CUBN: variants seen among roughly 807,000 people sequenced by gnomAD.
The protein encoded by CUBN is cubilin.
In CUBN, 282 loss-of-function variants were observed where a neutral mutation model predicts 405.3. The observed-to-expected ratio is 0.70, with a 90% CI of 0.63 to 0.77. CUBN has a LOEUF of 0.77. Among genes scored for constraint, CUBN ranks in the 30% least tolerant of loss-of-function variants. CUBN has a pLI of 0.00. For synonymous variants in CUBN, 1,684 were observed against 1,617.0 expected, an observed-to-expected ratio of 1.04 and a Z score of -0.99; for missense variants, 4,514 against 4,475.2, an observed-to-expected ratio of 1.01 and a Z score of -0.25.
intron 54 of CUBN, among the ~76,000 whole-genome samples, chr10:16,896,069 G>T (rs894314625): frequency 6.6e-6 from 1 of 152,104 alleles, no homozygotes; most frequent in Admixed American, 6.5e-5. Context: ...TGTGATTATA[G>T]TAGTCTACCA....
chr10:16,926,475 G>A (rs1842191173), intron 41 of CUBN, among the ~76,000 whole-genome samples: 1 of 152,094 alleles, frequency 6.6e-6, no homozygotes, highest in South Asian at 2.1e-4. Context: ...GTAAGGGGTG[G>A]AGGACAGGGA....
intron 22 of CUBN, among the ~76,000 whole-genome samples, chr10:17,056,033 A>G (rs909616619): frequency 1.3e-5 from 2 of 152,158 alleles, no homozygotes; most frequent in African/African-American, 4.8e-5. Context: ...ATTATGTAAC[A>G]TTAAGTAATA....
At chr10:17,091,494 C>T (rs1329098523) in intron 14 of CUBN, among the ~76,000 whole-genome samples, 5 of 152,024 alleles carry the variant, frequency 3.3e-5, no homozygotes, top group Non-Finnish European at 7.4e-5. Context: ...ATATGAGTAA[C>T]TTCTATTCCA....
intron 3 of CUBN, 69 bp from the exon 4 acceptor site, chr10:17,126,868 T>C: frequency 6.6e-7 from 1 of 1,515,578 alleles, no homozygotes; most frequent in South Asian, 1.1e-5. Context: ...GTTATATCCT[T>C]GACATATTGT....
chr10:17,000,416 T>A (rs7068565), intron 28 of CUBN, among the ~76,000 whole-genome samples: 95,952 of 152,078 alleles, frequency 0.63, 30,775 homozygotes, highest in African/African-American at 0.76. Flanking sequence ...GTCTTTTGCC[T>A]AGCAATGCGC....
chr10:16,828,148 C>T (rs1171421778), intron 66 of CUBN, among the ~76,000 whole-genome samples: 2 of 151,252 alleles, frequency 1.3e-5, no homozygotes, highest in Non-Finnish European at 2.9e-5. Context: ...AGGCAGTGCA[C>T]TGACGTCACA....
chr10:16,972,490 T>G (rs1227677026), intron 31 of CUBN, among the ~76,000 whole-genome samples: 1 of 150,974 alleles, frequency 6.6e-6, no homozygotes, highest in Admixed American at 6.6e-5. Context: ...CAGGCTGGAG[T>G]ACAGTGGTGT....
At chr10:16,992,579 GT>G (rs1833624701) in intron 28 of CUBN, among the ~76,000 whole-genome samples, 1 of 149,874 alleles carries the variant, frequency 6.7e-6, no homozygotes, top group African/African-American at 2.5e-5. Flanking sequence ...AAGTTAAGGA[GT>G]TAAAAAAAAA....
chr10:16,891,868 G>A (rs796660545), intron 54 of CUBN, among the ~76,000 whole-genome samples: 3 of 152,132 alleles, frequency 2.0e-5, no homozygotes, highest in African/African-American at 7.2e-5. Flanking sequence ...GTGGGTAGGG[G>A]CCAGGACTAT....
intron 54 of CUBN, among the ~76,000 whole-genome samples, chr10:16,891,297 A>G (rs771020196): frequency 9.9e-5 from 15 of 152,224 alleles, no homozygotes; most frequent in Non-Finnish European, 2.2e-4. Context: ...TCATAAATTT[A>G]CATGCAAAAT....
chr10:16,937,842 GATAAA>G (rs1564434686), intron 38 of CUBN, 58 bp from the exon 39 acceptor site: 4 of 1,492,758 alleles, frequency 2.7e-6, no homozygotes, highest in Non-Finnish European at 2.7e-6. Flanking sequence ...TTCATAAAAA[GATAAA>G]ATAAAAAAGA....
Position 16,840,803 on chromosome 10 carries a change from C to T in CUBN, c.9826+82G>A, listed in dbSNP as rs543948545. On this transcript the variant is annotated intron_variant, in intron 61 of 66. Transcript: ENST00000377833. ...AGTTTAGTAATTAACATTGAAATTT[C>T]GATATAATAAGCAGGGCATTCTTTT... The T allele has an allele frequency of 6.4e-5, 80 of 1,248,318 alleles. No homozygotes were observed. In the African/African-American group the frequency reaches 8.4e-4, roughly 13 times the overall value. 77.3% of individuals were successfully genotyped at this position (1,248,318 alleles called of 1,614,324 possible).
At chr10:16,943,499 T>C (rs7898138) in intron 36 of CUBN, among the ~76,000 whole-genome samples, 74,282 of 152,054 alleles carry the variant, frequency 0.49, 19,689 homozygotes, top group African/African-American at 0.71. Flanking sequence ...AACTTTTGTG[T>C]ATACATTCAG....
At chr10:16,929,264 C>T (rs114170761) in intron 40 of CUBN, among the ~76,000 whole-genome samples, 1,600 of 152,238 alleles carry the variant, frequency 0.011, 22 homozygotes, top group African/African-American at 0.037. Context: ...GGGCACCACA[C>T]GTCTCCTTTC....
chr10:16,902,239 T>C (rs932011994), intron 51 of CUBN, among the ~76,000 whole-genome samples: 15 of 133,160 alleles, frequency 1.1e-4, no homozygotes, highest in African/African-American at 4.2e-4. Context: ...ATATATATAC[T>C]ATATATATTT....
At chr10:16,869,598 A>C in intron 59 of CUBN, 38 bp downstream of exon 59, 1 of 1,392,858 alleles carries the variant, frequency 7.2e-7, no homozygotes, top group Non-Finnish European at 1.0e-6. Flanking sequence ...GAAAGGTAAC[A>C]GTCCTGACAA....
chr10:17,064,529 A>G (rs1564500378), intron 22 of CUBN, among the ~76,000 whole-genome samples: 1 of 152,174 alleles, frequency 6.6e-6, no homozygotes, highest in African/African-American at 2.4e-5. Flanking sequence ...GTAATCCCAA[A>G]GCGGAGAAAT....
Position 17,118,240 on chromosome 10 carries a change from C to T in CUBN, c.594-2643G>A, listed in dbSNP as rs79721383. ...CTCAAGTAAACCATAGGATTCCTTC[C>T]TATGATCCTCAAAGACAAGTATTAT... On this transcript the variant is annotated intron_variant, in intron 6 of 66. Transcript: ENST00000377833. Among the ~76,000 whole-genome samples the T allele has an allele frequency of 8.9e-3, 1,351 of 152,218 alleles. 9 individuals carry two copies. The highest frequency in any genetic ancestry group is 0.031 in the African/African-American group (1,289 of 41,536).
chr10:16,898,377 T>C (rs1163416558), intron 54 of CUBN, among the ~76,000 whole-genome samples: 1 of 152,150 alleles, frequency 6.6e-6, no homozygotes, highest in Non-Finnish European at 1.5e-5. Flanking sequence ...GTGGTAGGTA[T>C]GACAGACATG....
Sources: gnomAD v4.1 joint callset for allele counts (sites outside exome capture counted in the v4.1 genomes callset) on GRCh38, gnomAD v4.1.1 for gene constraint, MANE v1.5 for transcripts, NCBI Gene and HGNC (gene_info 2026-07-23, HGNC 2026-07-21) for gene names.